The following SNRNP200 variants were observed in gnomAD, a reference collection of about 807,000 sequenced individuals.
SNRNP200 encodes small nuclear ribonucleoprotein U5 subunit 200.
Under a neutral mutation model 255.2 loss-of-function variants are expected in SNRNP200, and 66 were observed. The observed-to-expected ratio is 0.26, with a 90% CI of 0.21 to 0.32. The LOEUF (loss-of-function observed/expected upper bound fraction) is 0.32. SNRNP200 is among the 10% of genes least tolerant of loss of function. SNRNP200 has a pLI of 1.00. For missense variants in SNRNP200, 1,585 were observed against 2,749.8 expected (o/e 0.58, Z 9.47); for synonymous variants, 939 against 1,027.8 (o/e 0.91, Z 1.65).
At position 96,287,563 on chromosome 2, in the gene SNRNP200, C is replaced by T. The variant is rs1042910743; in HGVS notation, c.3366-6G>A. ...GAGGACACATGGACTGCCACCTATC[C>T]AGGAAGGAGGCAAAGCTGTTGGTCC... is the stretch of plus-strand genomic sequence containing the variant. On this transcript the variant is annotated splice_region_variant and splice_polypyrimidine_tract_variant and intron_variant, in intron 25 of 44. Transcript: ENST00000323853. The surrounding 1 kb of genome is among the most constrained non-coding windows in gnomAD (Gnocchi z 5.7). 3.7e-6 allele frequency: 6 copies of T among 1,604,404 alleles called. No individual in the cohort carries two copies. Among genetic ancestry groups the T allele is most frequent in the Non-Finnish European group, 5.1e-6 (6 of 1,171,050 alleles).
chr2:96,298,101 A>C (rs2104358720), intron 9 of SNRNP200, among the ~76,000 whole-genome samples, 183 bp downstream of exon 9: 1 of 152,394 alleles, frequency 6.6e-6, no homozygotes, highest in Middle Eastern at 3.4e-3. Context: ...GCAGCAGGTC[A>C]CTGGTCTCAT....
At chr2:96,285,487 G>A (rs2063838713) in intron 29 of SNRNP200, 147 bp from the exon 30 acceptor site, 1 of 840,322 alleles carries the variant, frequency 1.2e-6, no homozygotes, top group African/African-American at 1.7e-5. Flanking sequence ...AGGCATCCAA[G>A]CCTCTAACTC....
In SNRNP200 at chr2:96,278,432, T is replaced by C. The variant is rs1323834244; in HGVS notation, c.5489-74A>G. 3 of 1,611,666 alleles carry C rather than the reference T, an allele frequency of 1.9e-6. No individual in the cohort carries two copies. Among genetic ancestry groups the C allele is most frequent in the Admixed American group, 1.7e-5 (1 of 60,002 alleles). On this transcript the variant is annotated intron_variant, in intron 38 of 44. Coordinates refer to ENST00000323853, the MANE Select transcript of SNRNP200 (RefSeq NM_014014.5). The surrounding 1 kb of genome is among the most constrained non-coding windows in gnomAD (Gnocchi z 6.9). ...AGCAGAACTGCCCGGGCTCCCCTGC[T>C]GTCCCCTGCAGTGTCATCCCGCTGA... is the stretch of plus-strand genomic sequence containing the variant.
chr2:96,293,536 C>T (rs1216451155), intron 14 of SNRNP200, 27 bp from the exon 15 acceptor site: 4 of 1,596,480 alleles, frequency 2.5e-6, no homozygotes, highest in African/African-American at 2.7e-5. Context: ...CAGAAATTAC[C>T]TCTAGCACTA....
In SNRNP200 at chr2:96,277,762, T is replaced by G. The variant is rs757950101; in HGVS notation, c.5754+45A>C. ...AAAGTGGGCGGAGTTGGAGCTGAGA[T>G]GTTTAGAGCACCACTGACCCCTCTG... is the stretch of plus-strand genomic sequence containing the variant. On this transcript the variant is annotated intron_variant, in intron 40 of 44. Transcript: ENST00000323853. This position sits in a 1 kb window ranked among gnomAD's most constrained non-coding sequence, Gnocchi z 4.4. 1 of 1,614,052 alleles carries G rather than the reference T, an allele frequency of 6.2e-7. No individual in the cohort carries two copies.
intron 43 of SNRNP200, 77 bp downstream of exon 43, chr2:96,276,827 A>C: frequency 7.7e-7 from 1 of 1,293,522 alleles, no homozygotes; most frequent in Non-Finnish European, 1.1e-6. Context: ...CCTCAGGGAC[A>C]GTGTGCCCTT....
Position 96,289,753 on chromosome 2 carries a change from A to G in SNRNP200, c.2940+46T>C, listed in dbSNP as rs754955252. ...ATCTGAAAAATTTTTTCCTGGGCCA[A>G]CAACTTTTGCTGAGACCTTTGCCTC... On this transcript the variant is annotated intron_variant, in intron 21 of 44. Coordinates refer to ENST00000323853, the MANE Select transcript of SNRNP200 (RefSeq NM_014014.5). The G allele has an allele frequency of 3.1e-6, 5 of 1,600,134 alleles. No homozygotes were observed. In the South Asian group the frequency reaches 4.4e-5, roughly 14 times the overall value.
intron 9 of SNRNP200, 126 bp from the exon 10 acceptor site, chr2:96,297,846 G>T: frequency 1.0e-6 from 1 of 988,504 alleles, no homozygotes; most frequent in Non-Finnish European, 1.6e-6. Flanking sequence ...GAAACAGAAA[G>T]ACAGTGCTTT....
chr2:96,286,201 G>A lies in SNRNP200; in HGVS notation c.4003+110C>T. The A allele has an allele frequency of 9.2e-7, 1 of 1,087,334 alleles. No individual in the cohort carries two copies. The highest frequency in any genetic ancestry group is 1.3e-5 in the South Asian group (1 of 79,798). 67.4% of individuals were successfully genotyped at this position (1,087,334 alleles called of 1,614,324 possible). On this transcript the variant is annotated intron_variant, in intron 29 of 44. Coordinates refer to ENST00000323853, the MANE Select transcript of SNRNP200 (RefSeq NM_014014.5). The surrounding 1 kb of genome is among the most constrained non-coding windows in gnomAD (Gnocchi z 4.8). ...TGGGTCCCAGCGGTCACACTGAGGAGCTCCCAGACCTCCCAAGTGCCTGAG... is the reference window on the plus strand; with the variant it reads ...TGGGTCCCAGCGGTCACACTGAGGAACTCCCAGACCTCCCAAGTGCCTGAG...
In SNRNP200 at chr2:96,290,003, G is replaced by T. The variant is rs367692582; in HGVS notation, c.2743-7C>A. 126 of 1,613,948 alleles carry T rather than the reference G, an allele frequency of 7.8e-5. No homozygotes were observed. The highest frequency in any genetic ancestry group is 1.0e-4 in the Admixed American group (6 of 60,010). Reference sequence around the variant, plus strand: ...CCAGCCAGTTCACCGCATCCTACAAGACACAGCTCATGGTTCTTAGCATGG... The same window carrying T: ...CCAGCCAGTTCACCGCATCCTACAATACACAGCTCATGGTTCTTAGCATGG... On this transcript the variant is annotated splice_region_variant and splice_polypyrimidine_tract_variant and intron_variant, in intron 20 of 44. Transcript: ENST00000323853. The surrounding 1 kb of genome is among the most constrained non-coding windows in gnomAD (Gnocchi z 4.5).
At position 96,278,112 on chromosome 2, in the gene SNRNP200, G is replaced by C. The variant is rs1184226299; in HGVS notation, c.5610+125C>G. 1 of 1,534,954 alleles carries C rather than the reference G, an allele frequency of 6.5e-7. No homozygotes were observed. Among genetic ancestry groups the C allele is most frequent in the Non-Finnish European group, 9.0e-7 (1 of 1,111,390 alleles). On this transcript the variant is annotated intron_variant, in intron 39 of 44. Coordinates refer to ENST00000323853, the MANE Select transcript of SNRNP200 (RefSeq NM_014014.5). This position sits in a 1 kb window ranked among gnomAD's most constrained non-coding sequence, Gnocchi z 6.9. ...TGGGTTTGAGGGAGGTATGGAGCGG[G>C]AGGACATATGGCGGGGGTCGGGGGA... is the stretch of plus-strand genomic sequence containing the variant.
chr2:96,301,541 T>C lies in SNRNP200; in HGVS notation c.557A>G (p.Lys186Arg), dbSNP rs767984565. ...GKKITDYGGD[K>R]EIQNMDDNID... ...GCACTTACCCATATTTTGGATTTCC[T>C]TATCTCCACCATAGTCTGTGATCTT... Residue 186 changes from lysine (K) to arginine (R), a missense_variant, in exon 4 of 45, where the codon AAG becomes AGG. By Grantham distance (26) the Lys-to-Arg change is conservative. Transcript: ENST00000323853. The C allele has an allele frequency of 1.4e-5, 22 of 1,614,228 alleles. No homozygotes were observed. Among genetic ancestry groups the C allele is most frequent in the Non-Finnish European group, 1.8e-5 (21 of 1,180,044 alleles).
rs1019286262 is a variant in SNRNP200 at position 96,279,396 on chromosome 2, A to G, written c.5133+55T>C. The G allele has an allele frequency of 7.1e-6, 8 of 1,119,120 alleles. No homozygotes were observed. The African/African-American group carries it at 1.2e-4, about 17-fold the overall frequency. 69.3% of individuals were successfully genotyped at this position (1,119,120 alleles called of 1,614,324 possible). ...GAAGACATCTATCAAAAGAAAGATT[A>G]AAGAATCCATTCTGAGGCTACGGAT... On this transcript the variant is annotated intron_variant, in intron 36 of 44. Coordinates refer to ENST00000323853, the MANE Select transcript of SNRNP200 (RefSeq NM_014014.5).
In SNRNP200 at chr2:96,275,171, A is replaced by G. The variant is rs773921517; in HGVS notation, c.6268-16T>C. The stretch of plus-strand genomic sequence containing the variant: ...CCAACTTCACCTAGAAAGAGCAGGC[A>G]GAAATCAAGATGAGCATGGACACAG... On this transcript the variant is annotated splice_polypyrimidine_tract_variant and intron_variant, in intron 44 of 44. Coordinates refer to ENST00000323853, the MANE Select transcript of SNRNP200 (RefSeq NM_014014.5). 6.2e-7 allele frequency: 1 copy of G among 1,614,266 alleles called. No homozygotes were observed. The highest frequency in any genetic ancestry group is 1.1e-5 in the South Asian group (1 of 91,090).
At chr2:96,298,260 C>T in intron 9 of SNRNP200, 24 bp downstream of exon 9, 2 of 1,614,200 alleles carry the variant, frequency 1.2e-6, no homozygotes, top group African/African-American at 1.3e-5. Flanking sequence ...AGAAATCAGA[C>T]AGATAAACCA....
At chr2:96,304,260 T>C (rs895047515) in intron 2 of SNRNP200, among the ~76,000 whole-genome samples, 4 of 146,948 alleles carry the variant, frequency 2.7e-5, no homozygotes, top group Non-Finnish European at 6.0e-5. Flanking sequence ...AAAAAAAAAA[T>C]AAAGGAAAAA....
Position 96,287,328 on chromosome 2 carries a change from G to A in SNRNP200, c.3484+111C>T. The stretch of plus-strand genomic sequence containing the variant: ...GCCAGCCTGTACTTCAGTGGGACTT[G>A]GGGAGTGAACACAGGATACTAATGC... On this transcript the variant is annotated intron_variant, in intron 26 of 44. Coordinates refer to ENST00000323853, the MANE Select transcript of SNRNP200 (RefSeq NM_014014.5). The surrounding 1 kb of genome is among the most constrained non-coding windows in gnomAD (Gnocchi z 5.7). The A allele has an allele frequency of 4.3e-6, 5 of 1,170,404 alleles. No individual in the cohort carries two copies. The highest frequency in any genetic ancestry group is 6.4e-6 in the Non-Finnish European group (5 of 775,814). The allele number at this position is 1,170,404 out of a possible 1,614,324, so 72.5% of individuals were successfully genotyped here.
chr2:96,284,618 T>A, intron 30 of SNRNP200, 33 bp from the exon 31 acceptor site: 1 of 1,440,996 alleles, frequency 6.9e-7, no homozygotes, highest in Non-Finnish European at 9.8e-7. Flanking sequence ...AGAACAACAC[T>A]AGGCCATACC....
chr2:96,279,810 A>G (rs146641052), intron 35 of SNRNP200: 2 of 459,234 alleles, frequency 4.4e-6, no homozygotes, highest in African/African-American at 2.0e-5. Context: ...CTACAAAACT[A>G]TCTAATGCCA....
Sources: allele counts gnomAD v4.1 joint callset (sites outside exome capture counted in the v4.1 genomes callset), GRCh38; gene constraint gnomAD v4.1.1; non-coding constraint Gnocchi (gnomAD v3.1); transcripts MANE v1.5; gene names NCBI Gene and HGNC (gene_info 2026-07-23, HGNC 2026-07-21).